TACR3: variants seen among roughly 807,000 people sequenced by gnomAD.
TACR3 encodes tachykinin receptor 3.
A neutral mutation model predicts 35.0 loss-of-function variants in TACR3; 34 were observed. That is an observed-to-expected ratio of 0.97 (90% CI 0.74 to 1.30). The LOEUF (loss-of-function observed/expected upper bound fraction) is 1.30. TACR3 is among the 50% of genes most tolerant of loss of function. TACR3 has a pLI of 0.00. For synonymous variants in TACR3, 233 were observed against 221.1 expected (o/e 1.05, Z -0.48); for missense variants, 558 against 591.7 (o/e 0.94, Z 0.59).
intron 3 of TACR3, among the ~76,000 whole-genome samples, chr4:103,639,197 C>T (rs1460773847): frequency 6.6e-6 from 1 of 152,084 alleles, no homozygotes; most frequent in African/African-American, 2.4e-5. Context: ...ACCCAAATGT[C>T]CAACAACGAT....
At chr4:103,600,836 A>C (rs1411289853) in intron 3 of TACR3, among the ~76,000 whole-genome samples, 3 of 152,004 alleles carry the variant, frequency 2.0e-5, no homozygotes, top group East Asian at 3.9e-4. Context: ...AGTTTGTTAT[A>C]ATTTCTGTTC....
chr4:103,688,750 C>A (rs1245267895), intron 1 of TACR3, among the ~76,000 whole-genome samples: 1 of 151,132 alleles, frequency 6.6e-6, no homozygotes, highest in African/African-American at 2.5e-5. Context: ...CAGGAAACAA[C>A]AGGTGCTGGA....
chr4:103,605,671 G>A (rs938484801), intron 3 of TACR3, among the ~76,000 whole-genome samples: 1 of 151,930 alleles, frequency 6.6e-6, no homozygotes, highest in Non-Finnish European at 1.5e-5. Flanking sequence ...TTTTCGATGG[G>A]GTTGTTTTTT....
chr4:103,642,910 CA>C (rs1725386241), intron 3 of TACR3, among the ~76,000 whole-genome samples: 1 of 151,774 alleles, frequency 6.6e-6, no homozygotes, highest in Non-Finnish European at 1.5e-5. Flanking sequence ...GTTCGTGTAT[CA>C]AAATATCACA....
At chr4:103,656,403 T>C in intron 2 of TACR3, 59 bp from the exon 3 acceptor site, 1 of 1,538,494 alleles carries the variant, frequency 6.5e-7, no homozygotes, top group Non-Finnish European at 9.0e-7. Flanking sequence ...TATTGGGGAC[T>C]GAATTGGCTC....
intron 3 of TACR3, among the ~76,000 whole-genome samples, chr4:103,651,868 G>A (rs1317174207): frequency 4.6e-5 from 7 of 152,008 alleles, no homozygotes. Flanking sequence ...AGTCCAGGTT[G>A]TGTCTAGAAA....
At chr4:103,637,128 A>T (rs1414543984) in intron 3 of TACR3, among the ~76,000 whole-genome samples, 3 of 152,174 alleles carry the variant, frequency 2.0e-5, no homozygotes, top group Non-Finnish European at 4.4e-5. Flanking sequence ...AGGCAGAGAC[A>T]CAACCAAAAA....
At chr4:103,642,030 T>C (rs1456116922) in intron 3 of TACR3, among the ~76,000 whole-genome samples, 2 of 151,884 alleles carry the variant, frequency 1.3e-5, no homozygotes, top group South Asian at 2.1e-4. Flanking sequence ...CAGGTGATAC[T>C]ATAAGTTTTC....
chr4:103,716,120 G>C (rs1251015063), intron 1 of TACR3, among the ~76,000 whole-genome samples: 1 of 151,992 alleles, frequency 6.6e-6, no homozygotes, highest in Non-Finnish European at 1.5e-5. Flanking sequence ...TCATCTTTGA[G>C]GCAAGTGTTA....
chr4:103,710,065 T>A (rs1722906542), intron 1 of TACR3, among the ~76,000 whole-genome samples: 1 of 152,048 alleles, frequency 6.6e-6, no homozygotes, highest in African/African-American at 2.4e-5. Flanking sequence ...ATGCAAGACT[T>A]TAACACTCCC....
At chr4:103,627,659 C>T (rs1724934900) in intron 3 of TACR3, among the ~76,000 whole-genome samples, 2 of 152,036 alleles carry the variant, frequency 1.3e-5, no homozygotes, top group Admixed American at 1.3e-4. Flanking sequence ...CCTTAGAGAC[C>T]TACAAAGAGA....
At chr4:103,622,177 A>G (rs1441070817) in intron 3 of TACR3, among the ~76,000 whole-genome samples, 1 of 152,218 alleles carries the variant, frequency 6.6e-6, no homozygotes, top group Non-Finnish European at 1.5e-5. Context: ...CAAAGAAGTC[A>G]AAGGTAACTT....
At chr4:103,699,934 A>T (rs891222112) in intron 1 of TACR3, among the ~76,000 whole-genome samples, 1 of 152,156 alleles carries the variant, frequency 6.6e-6, no homozygotes, top group Non-Finnish European at 1.5e-5. Flanking sequence ...AGGGTTTTAA[A>T]CTAGAGGTAT....
intron 3 of TACR3, among the ~76,000 whole-genome samples, chr4:103,635,122 TTA>T (rs1185602024): frequency 3.3e-5 from 5 of 152,138 alleles, no homozygotes; most frequent in African/African-American, 1.2e-4. Context: ...ATATGCATAT[TTA>T]TATGAGTAAT....
intron 3 of TACR3, among the ~76,000 whole-genome samples, chr4:103,612,202 GACTTCTTTCT>G (rs1376507756): frequency 5.3e-5 from 8 of 152,034 alleles, no homozygotes; most frequent in Non-Finnish European, 1.2e-4. Flanking sequence ...CCAACATCCT[GACTTCTTTCT>G]GATCCTTAAA....
At chr4:103,646,689 G>A (rs1560820778) in intron 3 of TACR3, among the ~76,000 whole-genome samples, 1 of 151,868 alleles carries the variant, frequency 6.6e-6, no homozygotes, top group Non-Finnish European at 1.5e-5. Flanking sequence ...TTATTTATAG[G>A]AGAATGTGAC....
At chr4:103,653,768 A>G (rs556282013) in intron 3 of TACR3, among the ~76,000 whole-genome samples, 99 of 152,060 alleles carry the variant, frequency 6.5e-4, no homozygotes, top group Non-Finnish European at 1.0e-3. Context: ...GCAACCCACA[A>G]AATGGGAGAA....
At chr4:103,675,588 AG>A (rs1375865008) in intron 1 of TACR3, among the ~76,000 whole-genome samples, 1 of 152,178 alleles carries the variant, frequency 6.6e-6, no homozygotes, top group African/African-American at 2.4e-5. Context: ...CCACTTCTTC[AG>A]GTGTGAAGGG....
At chr4:103,717,149 T>C (rs1373707737) in intron 1 of TACR3, among the ~76,000 whole-genome samples, 1 of 152,180 alleles carries the variant, frequency 6.6e-6, no homozygotes, top group Non-Finnish European at 1.5e-5. Flanking sequence ...GGTAATCTAT[T>C]GAGAGTTTTA....
Sources: gnomAD v4.1 joint callset for allele counts (sites outside exome capture counted in the v4.1 genomes callset) on GRCh38, gnomAD v4.1.1 for gene constraint, MANE v1.5 for transcripts, NCBI Gene and HGNC (gene_info 2026-07-23, HGNC 2026-07-21) for gene names.